Variants in BCL2L11 observed in about 807,000 individuals in gnomAD.
BCL2L11 encodes the protein BCL2 like 11, also known as bcl-2-like protein 11.
In BCL2L11, 15 loss-of-function variants were observed where a neutral mutation model predicts 20.6. The observed-to-expected ratio is 0.73, with a 90% CI of 0.49 to 1.12. The LOEUF is 1.12. BCL2L11 is among the 50% of genes most tolerant of loss of function. The pLI, the probability that BCL2L11 is intolerant of heterozygous loss-of-function variation, is 0.00. For synonymous variants in BCL2L11, 108 were observed against 92.8 expected, an observed-to-expected ratio of 1.16 and a Z score of -0.94; for missense variants, 292 against 260.9, an observed-to-expected ratio of 1.12 and a Z score of -0.82.
intron 3 of BCL2L11, among the ~76,000 whole-genome samples, chr2:111,151,525 G>T (rs956915625): frequency 2.0e-5 from 3 of 151,790 alleles, no homozygotes; most frequent in African/African-American, 7.3e-5. Flanking sequence ...CTGTTTTCTA[G>T]GGGAGGTCAT....
rs1414498408 is a variant in BCL2L11 at position 111,166,252 on chromosome 2, C to T, written c.*2021C>T. The T allele has an allele frequency of 6.5e-6, 1 of 152,796 alleles. No homozygotes were observed. The highest frequency in any genetic ancestry group is 1.5e-5 in the Non-Finnish European group (1 of 68,128). The allele number at this position is 152,796 out of a possible 1,614,324, so 9.5% of individuals were successfully genotyped here. ...AGAGCACTTTACTCTGTTTCCTCAG[C>T]CCTGCAGCCCCTGGGAGCACACACT... On this transcript the variant is annotated 3_prime_UTR_variant, in exon 4 of 4. Coordinates refer to ENST00000393256, the MANE Select transcript of BCL2L11 (RefSeq NM_138621.5).
intron 3 of BCL2L11, among the ~76,000 whole-genome samples, chr2:111,157,076 A>T (rs2077955585): frequency 6.6e-6 from 1 of 152,182 alleles, no homozygotes. Flanking sequence ...AAATGGCTGG[A>T]TGGGCATCGG....
intron 2 of BCL2L11, among the ~76,000 whole-genome samples, chr2:111,149,832 T>G (rs2077028602): frequency 6.6e-6 from 1 of 152,240 alleles, no homozygotes; most frequent in Admixed American, 6.5e-5. Flanking sequence ...AAAGGAAATT[T>G]TATTCTATAT....
intron 3 of BCL2L11, among the ~76,000 whole-genome samples, chr2:111,154,239 C>T (rs2077567305): frequency 6.6e-6 from 1 of 151,876 alleles, no homozygotes; most frequent in Non-Finnish European, 1.5e-5. Flanking sequence ...TAGGAGTAAT[C>T]CCTTATGTAA....
chr2:111,142,369 C>G (rs1220340048), intron 2 of BCL2L11: 1 of 1,550,516 alleles, frequency 6.4e-7, no homozygotes, highest in East Asian at 2.4e-5. Context: ...TCAGTGGCCA[C>G]TCAAGTGGTT....
intron 2 of BCL2L11, chr2:111,142,356 A>T (rs1397421793): frequency 2.2e-5 from 34 of 1,550,438 alleles, no homozygotes; most frequent in Non-Finnish European, 3.0e-5. Flanking sequence ...TTCATAGGGA[A>T]GTTCAGTGGC....
chr2:111,128,092 C>T (rs1472146144), intron 2 of BCL2L11, among the ~76,000 whole-genome samples: 3 of 152,074 alleles, frequency 2.0e-5, no homozygotes, highest in African/African-American at 7.2e-5. Flanking sequence ...CATTAAACAA[C>T]TCCCCATTTC....
chr2:111,147,885 T>C (rs927282266), intron 2 of BCL2L11, among the ~76,000 whole-genome samples: 2 of 152,354 alleles, frequency 1.3e-5, no homozygotes, highest in South Asian at 4.1e-4. Context: ...AAGTGGTTAA[T>C]CTACAAGAAG....
chr2:111,144,571 T>C, intron 2 of BCL2L11: 4 of 1,517,060 alleles, frequency 2.6e-6, no homozygotes, highest in Non-Finnish European at 3.6e-6. Context: ...TTCCCTCCTC[T>C]TGTAAGCTTT....
intron 2 of BCL2L11, chr2:111,130,331 T>C: frequency 4.1e-6 from 1 of 241,834 alleles, no homozygotes; most frequent in Non-Finnish European, 8.4e-6. Flanking sequence ...CTCGAACTCC[T>C]GACCTCAGGT....
chr2:111,145,759 A>G (rs1394345278), intron 2 of BCL2L11, among the ~76,000 whole-genome samples: 1 of 152,228 alleles, frequency 6.6e-6, no homozygotes, highest in African/African-American at 2.4e-5. Context: ...AAATGGATTA[A>G]GAATACTTCA....
intron 2 of BCL2L11, among the ~76,000 whole-genome samples, chr2:111,136,517 T>A (rs2074919376): frequency 6.6e-6 from 1 of 152,232 alleles, no homozygotes. Context: ...TTTGTCTTAG[T>A]CCCTTTGAGC....
At chr2:111,136,121 G>A (rs2150360815) in intron 2 of BCL2L11, among the ~76,000 whole-genome samples, 1 of 152,278 alleles carries the variant, frequency 6.6e-6, no homozygotes, top group African/African-American at 2.4e-5. Flanking sequence ...GCTAGAGTAG[G>A]GCAGGAGTCA....
At chr2:111,126,896 G>A (rs2072744318) in intron 2 of BCL2L11, among the ~76,000 whole-genome samples, 1 of 152,162 alleles carries the variant, frequency 6.6e-6, no homozygotes, top group Non-Finnish European at 1.5e-5. Context: ...GCAACTTGGG[G>A]TAGAGATCAG....
Position 111,164,342 on chromosome 2 carries a change from G to A in BCL2L11, c.*111G>A. ...TTATTATGCAGCCAGCGGTTCTCTT[G>A]TGGAGGGGGCAGGTGACGTTTCAGA... On this transcript the variant is annotated 3_prime_UTR_variant, in exon 4 of 4. Transcript: ENST00000393256. 2 of 796,414 alleles carry A rather than the reference G, an allele frequency of 2.5e-6. No individual in the cohort carries two copies. Among genetic ancestry groups the A allele is most frequent in the Non-Finnish European group, 4.4e-6 (2 of 453,888 alleles). 49.3% of individuals were successfully genotyped at this position (796,414 alleles called of 1,614,324 possible).
chr2:111,153,841 G>A (rs1182692914), intron 3 of BCL2L11: 1 of 1,551,710 alleles, frequency 6.4e-7, no homozygotes, highest in South Asian at 1.2e-5. Context: ...AAGGGCAGTG[G>A]GGAAGCGTTT....
At chr2:111,137,392 T>C (rs1347931575) in intron 2 of BCL2L11, among the ~76,000 whole-genome samples, 4 of 152,204 alleles carry the variant, frequency 2.6e-5, no homozygotes, top group African/African-American at 9.6e-5. Flanking sequence ...CTCAGTCTCT[T>C]GGTGTATTCC....
At position 111,164,258 on chromosome 2, in the gene BCL2L11, A is replaced by G. The variant is rs73954977; in HGVS notation, c.*27A>G. On this transcript the variant is annotated 3_prime_UTR_variant, in exon 4 of 4. Transcript: ENST00000393256. Reference sequence around the variant, plus strand: ...AGGTTCTTTGCGGAGCCGAGATACCATGCAGACATTTTGCTTGTTCAAACC... The same window carrying G: ...AGGTTCTTTGCGGAGCCGAGATACCGTGCAGACATTTTGCTTGTTCAAACC... 5.5e-3 allele frequency: 8,337 copies of G among 1,529,572 alleles called. 313 individuals are homozygous for G. The African/African-American group carries it at 0.09, about 17-fold the overall frequency. The allele number at this position is 1,529,572 out of a possible 1,614,324, so 94.8% of individuals were successfully genotyped here. A position where few individuals can be genotyped will look rare whatever the true frequency, so the allele number is the denominator to read the frequency against.
chr2:111,164,546 C>G lies in BCL2L11; in HGVS notation c.*315C>G. 1 of 215,504 alleles carries G rather than the reference C, an allele frequency of 4.6e-6. No homozygotes were observed. Among genetic ancestry groups the G allele is most frequent in the Non-Finnish European group, 9.2e-6 (1 of 108,640 alleles). The allele number at this position is 215,504 out of a possible 1,614,324, so 13.3% of individuals were successfully genotyped here. On this transcript the variant is annotated 3_prime_UTR_variant, in exon 4 of 4. Transcript: ENST00000393256. ...TTTACATGCAGTGTGTTTTCCCCCT[C>G]ACCTTCAATAAGGTTTTTCAAAAAG...
Sources: allele counts gnomAD v4.1 joint callset (sites outside exome capture counted in the v4.1 genomes callset), GRCh38; gene constraint gnomAD v4.1.1; transcripts MANE v1.5; gene names NCBI Gene and HGNC (gene_info 2026-07-23, HGNC 2026-07-21).